The following ODC1 variants were observed in gnomAD, a reference collection of about 807,000 sequenced individuals.
ODC1 encodes the protein ornithine decarboxylase.
A neutral mutation model predicts 41.5 loss-of-function variants in ODC1; 18 were observed. The observed-to-expected ratio is 0.43, with a 90% confidence interval of 0.30 to 0.64. The LOEUF (loss-of-function observed/expected upper bound fraction) is 0.64, where lower values mean the gene tolerates loss of function less well. Among genes scored for constraint, ODC1 ranks in the 30% least tolerant of loss-of-function variants. The pLI is 0.11. For missense variants in ODC1, 504 were observed against 589.0 expected, an observed-to-expected ratio of 0.86 and a Z score of 1.49; for synonymous variants, 218 against 211.6, an observed-to-expected ratio of 1.03 and a Z score of -0.26.
chr2:10,440,440 C>T lies in ODC1; in HGVS notation c.*284G>A. On this transcript the variant is annotated 3_prime_UTR_variant, in exon 12 of 12. Coordinates refer to ENST00000234111, the MANE Select transcript of ODC1 (RefSeq NM_002539.3). ...CAGGTCACAACACTAAGCTTTTGGC[C>T]CATTCTGCCATTGTACAAGCTACAA... The T allele has an allele frequency of 3.5e-6, 1 of 283,768 alleles. No homozygotes were observed. The highest frequency in any genetic ancestry group is 7.2e-5 in the East Asian group (1 of 13,808). 17.6% of individuals were successfully genotyped at this position (283,768 alleles called of 1,614,324 possible). A position where few individuals can be genotyped will look rare whatever the true frequency, so the allele number is the denominator to read the frequency against.
intron 1 of ODC1, chr2:10,446,647 C>G: frequency 3.4e-6 from 1 of 292,806 alleles, no homozygotes; most frequent in Non-Finnish European, 6.6e-6. Context: ...ACCTTGTGAA[C>G]CAGCTTTCTT....
At chr2:10,442,696 G>A (rs1180594037) in intron 8 of ODC1, among the ~76,000 whole-genome samples, 1 of 152,088 alleles carries the variant, frequency 6.6e-6, no homozygotes, top group African/African-American at 2.4e-5. Flanking sequence ...TCTCTAGGAA[G>A]CCCACAGCAA....
In ODC1 at chr2:10,444,273, AAAG is replaced by A. The variant is rs2148070040; in HGVS notation, c.277-9_277-7del. 3 of 1,568,064 alleles carry A rather than the reference AAAG, an allele frequency of 1.9e-6. No individual in the cohort carries two copies. Among genetic ancestry groups the A allele is most frequent in the South Asian group, 1.2e-5 (1 of 82,922 alleles). ...TGCACCAACTGTATTTCAGTCTGAA[AAAG>A]AAGAGTGGTGTCATGCTATCCATAT... On this transcript the variant is annotated splice_region_variant and splice_polypyrimidine_tract_variant and intron_variant, in intron 4 of 11. Transcript: ENST00000234111.
At chr2:10,441,452 C>T (rs1029918483) in intron 11 of ODC1, 57 bp downstream of exon 11, 1 of 1,524,780 alleles carries the variant, frequency 6.6e-7, no homozygotes, top group Non-Finnish European at 9.0e-7. Flanking sequence ...ACAAGAAGCA[C>T]ACATCCAAGA....
intron 2 of ODC1, 23 bp from the exon 3 acceptor site, chr2:10,445,072 T>C: frequency 2.4e-6 from 3 of 1,274,182 alleles, no homozygotes; most frequent in East Asian, 2.3e-5. Context: ...AAAATGCAAA[T>C]AGAGTGGAGA....
rs1671842399 is a variant in ODC1 at position 10,442,053 on chromosome 2, A to T, written c.872T>A (p.Ile291Asn). The T allele has an allele frequency of 6.2e-7, 1 of 1,613,932 alleles. No individual in the cohort carries two copies. The highest frequency in any genetic ancestry group is 1.3e-5 in the African/African-American group (1 of 74,908). The change falls in exon 9 of 12, where the codon ATT becomes AAT. Residue 291 changes from isoleucine to asparagine, a missense_variant. Transcript: ENST00000234111. ...TTCCTTTAATACAATTTTCTTGGCAATGATATTAACTGCAAGCGTGAAAGC... is the reference window on the plus strand; with the variant it reads ...TTCCTTTAATACAATTTTCTTGGCATTGATATTAACTGCAAGCGTGAAAGC... ...ASAFTLAVNI[I>N]AKKIVLKEQT...
Position 10,440,620 on chromosome 2 carries a change from A to T in ODC1, c.*104T>A. On this transcript the variant is annotated 3_prime_UTR_variant, in exon 12 of 12. Coordinates refer to ENST00000234111, the MANE Select transcript of ODC1 (RefSeq NM_002539.3). ...CATATGGCTGCATCATGGCGACCCT[A>T]CTCTTACAAAGACATTTCAAAACTA... 8.2e-7 allele frequency: 1 copy of T among 1,213,782 alleles called. No individual in the cohort carries two copies. The highest frequency in any genetic ancestry group is 1.2e-6 in the Non-Finnish European group (1 of 860,066). The allele number at this position is 1,213,782 out of a possible 1,614,324, so 75.2% of individuals were successfully genotyped here.
intron 8 of ODC1, among the ~76,000 whole-genome samples, 174 bp downstream of exon 8, chr2:10,443,056 G>C (rs1340401690): frequency 6.6e-6 from 1 of 152,120 alleles, no homozygotes; most frequent in Non-Finnish European, 1.5e-5. Flanking sequence ...TCACACTTTA[G>C]AAAACCAAAT....
Position 10,443,853 on chromosome 2 carries a change from T to G in ODC1, c.450-17A>C, listed in dbSNP as rs1671923564. On this transcript the variant is annotated splice_polypyrimidine_tract_variant and intron_variant, in intron 5 of 11. Coordinates refer to ENST00000234111, the MANE Select transcript of ODC1 (RefSeq NM_002539.3). Reference sequence around the variant, plus strand: ...AAAACCAACCTACAAGCAAGGAAAGTGCAGCAAATGTCTCATGATAGATGT... The same window carrying G: ...AAAACCAACCTACAAGCAAGGAAAGGGCAGCAAATGTCTCATGATAGATGT... The G allele has an allele frequency of 3.1e-6, 5 of 1,612,376 alleles. No homozygotes were observed. In the South Asian group the frequency reaches 5.5e-5, roughly 18 times the overall value.
intron 11 of ODC1, among the ~76,000 whole-genome samples, chr2:10,441,203 C>A (rs1671807216): frequency 6.6e-6 from 1 of 152,156 alleles, no homozygotes; most frequent in African/African-American, 2.4e-5. Context: ...CTGCCTTGGC[C>A]TCCCAATGTG....
At chr2:10,442,268 GAGACCAGGC>G (rs1288298294) in intron 8 of ODC1, 94 bp from the exon 9 acceptor site, 5 of 1,270,984 alleles carry the variant, frequency 3.9e-6, no homozygotes, top group Non-Finnish European at 5.4e-6. Flanking sequence ...ATGACATCAT[GAGACCAGGC>G]ATCAACAGAC....
rs763621553 is a variant in ODC1, at chr2:10,440,764, C to T, written c.1346G>A (p.Arg449His). 4 of 1,613,964 alleles carry T rather than the reference C, an allele frequency of 2.5e-6. No individual in the cohort carries two copies. Among genetic ancestry groups the T allele is most frequent in the Admixed American group, 1.7e-5 (1 of 60,002 alleles). Residue 449 changes from arginine to histidine, a missense_variant, in exon 12 of 12, where the codon CGC becomes CAC. Arg to His is a conservative substitution (Grantham distance 29, BLOSUM62 0). Around this residue, in one of 3 missense-constraint regions of ODC1, gnomAD observed 447 missense variants for 524.4 expected, o/e 0.85. Coordinates refer to ENST00000234111, the MANE Select transcript of ODC1 (RefSeq NM_002539.3). Reference sequence around the variant, plus strand: ...AGCCGAAGCACAGGCTGCTCTGTGGCGTTTCATCCCACTCTCCCAGGCACA... The same window carrying T: ...AGCCGAAGCACAGGCTGCTCTGTGGTGTTTCATCCCACTCTCCCAGGCACA... ...VSCAWESGMKRHRAACASASI... is the reference protein window; with the variant it reads ...VSCAWESGMKHHRAACASASI...
At position 10,440,643 on chromosome 2, in the gene ODC1, C is replaced by G. The variant is rs1671790324; in HGVS notation, c.*81G>C. On this transcript the variant is annotated 3_prime_UTR_variant, in exon 12 of 12. Coordinates refer to ENST00000234111, the MANE Select transcript of ODC1 (RefSeq NM_002539.3). ...CTACTCTTACAAAGACATTTCAAAACTAGCAGTAATTAAGTTACATGGTCC... is the reference window on the plus strand; with the variant it reads ...CTACTCTTACAAAGACATTTCAAAAGTAGCAGTAATTAAGTTACATGGTCC... The G allele has an allele frequency of 4.9e-6, 7 of 1,443,134 alleles. No individual in the cohort carries two copies. Among genetic ancestry groups the G allele is most frequent in the Middle Eastern group, 2.0e-4 (1 of 4,952 alleles). 89.4% of individuals were successfully genotyped at this position (1,443,134 alleles called of 1,614,324 possible). A position where few individuals can be genotyped will look rare whatever the true frequency, so the allele number is the denominator to read the frequency against.
In ODC1 at chr2:10,444,642, A is replaced by C; in HGVS notation, c.108T>G (p.Asp36Glu). The C allele has an allele frequency of 6.2e-7, 1 of 1,611,830 alleles. No homozygotes were observed. Among genetic ancestry groups the C allele is most frequent in the South Asian group, 1.1e-5 (1 of 90,680 alleles). Residue 36 changes from aspartate to glutamate, a missense_variant, in exon 4 of 12, where the codon GAT becomes GAG. By Grantham distance (45) the Asp-to-Glu change is conservative. This residue lies in a region of ODC1 where 53 missense variants were observed against 46.3 expected (regional missense o/e 1.14). Transcript: ENST00000234111. ...QKINEVSSSD[D>E]KDAFYVADLG... ...GGTCTGCCACATAGAAGGCATCCTT[A>C]TCATCCTGAAACAAGAGTGGTCACA...
chr2:10,444,890 C>A (rs1671956895), intron 3 of ODC1, 41 bp downstream of exon 3: 1 of 1,419,404 alleles, frequency 7.0e-7, no homozygotes, highest in Non-Finnish European at 9.9e-7. Context: ...ACTTGCCTGG[C>A]ACTCTCAGCT....
chr2:10,443,719 G>A lies in ODC1; in HGVS notation c.567C>T (p.Ile189=), dbSNP rs776935446. The A allele has an allele frequency of 5.0e-6, 8 of 1,613,972 alleles. No individual in the cohort carries two copies. Among genetic ancestry groups the A allele is most frequent in the African/African-American group, 4.0e-5 (3 of 74,882 alleles). The part of the protein sequence containing the change: ...LLLERAKELN[I]DVVGVSFHVG... ...AATCTCACCTGACACCAACAACATC[G>A]ATATTTAGCTCTTTCGCCCGTTCCA... Residue 189 remains isoleucine (I), a synonymous_variant, in exon 6 of 12, where the codon ATC becomes ATT. Transcript: ENST00000234111.
chr2:10,446,824 G>C, intron 1 of ODC1: 1 of 323,678 alleles, frequency 3.1e-6, no homozygotes, highest in South Asian at 2.5e-5. Context: ...CAGGGTGACG[G>C]GCCTGTCATA....
intron 11 of ODC1, 92 bp from the exon 12 acceptor site, chr2:10,440,960 AT>A (rs111950270): frequency 0.081 from 84,241 of 1,037,358 alleles, 810 homozygotes; most frequent in African/African-American, 0.2. Flanking sequence ...AATTCAATGT[AT>A]TTTTTTTTTT....
At chr2:10,443,639 G>A in intron 6 of ODC1, 63 bp downstream of exon 6, 4 of 1,606,884 alleles carry the variant, frequency 2.5e-6, no homozygotes, top group Non-Finnish European at 3.4e-6. Context: ...AACACTAGGA[G>A]AAAGCCTGTA....
Sources: allele counts gnomAD v4.1 joint callset (sites outside exome capture counted in the v4.1 genomes callset), GRCh38; gene constraint gnomAD v4.1.1; regional missense constraint gnomAD v4.1.1; transcripts MANE v1.5; gene names NCBI Gene and HGNC (gene_info 2026-07-23, HGNC 2026-07-21).